Variants in SGCZ observed in about 807,000 individuals in gnomAD.
The protein encoded by SGCZ is zeta-sarcoglycan.
A neutral mutation model predicts 41.3 loss-of-function variants in SGCZ; 40 were observed. The observed-to-expected ratio is 0.97, with a 90% CI of 0.75 to 1.26. The LOEUF (loss-of-function observed/expected upper bound fraction) is 1.26. Ranked by LOEUF, SGCZ falls within the 50% of genes most tolerant of loss-of-function variation. The probability of loss-of-function intolerance (pLI) is 0.00; values close to 1 mark genes in which losing one functional copy is unlikely to be tolerated. For synonymous variants in SGCZ, 206 were observed against 137.5 expected, an observed-to-expected ratio of 1.50 and a Z score of -3.49; for missense variants, 552 against 369.8, an observed-to-expected ratio of 1.49 and a Z score of -4.04.
intron 1 of SGCZ, among the ~76,000 whole-genome samples, chr8:14,724,100 A>C (rs572515712): frequency 2.6e-5 from 4 of 152,286 alleles, no homozygotes; most frequent in African/African-American, 9.6e-5. Context: ...TTATGATGTA[A>C]AACTAGTGTA....
chr8:14,087,757 A>C lies in SGCZ; in HGVS notation c.*2686T>G, dbSNP rs1352574289. ...TTTTTGTGTTTGAATGTGGAAAACG[A>C]GGACATTTGGGGCCATTCTTCTAAG... On this transcript the variant is annotated 3_prime_UTR_variant, in exon 8 of 8. Transcript: ENST00000382080. Among the ~76,000 whole-genome samples, 1 of 151,660 alleles carries C rather than the reference A, an allele frequency of 6.6e-6. No individual in the cohort carries two copies. The highest frequency in any genetic ancestry group is 1.9e-4 in the East Asian group (1 of 5,154).
At chr8:14,476,764 T>C (rs555282050) in intron 2 of SGCZ, among the ~76,000 whole-genome samples, 3 of 152,302 alleles carry the variant, frequency 2.0e-5, no homozygotes, top group African/African-American at 7.2e-5. Flanking sequence ...TTGTGACAAG[T>C]TGGCTGCCAT....
At chr8:14,741,496 G>A (rs1476821576) in intron 1 of SGCZ, among the ~76,000 whole-genome samples, 3 of 151,874 alleles carry the variant, frequency 2.0e-5, no homozygotes, top group Non-Finnish European at 4.4e-5. Flanking sequence ...GTAGTTTTAA[G>A]CATTTTAGCT....
chr8:14,692,065 A>G (rs1367127393), intron 1 of SGCZ, among the ~76,000 whole-genome samples: 2 of 152,010 alleles, frequency 1.3e-5, no homozygotes, highest in East Asian at 3.8e-4. Flanking sequence ...GAATGTCAAC[A>G]ACATATTCTA....
At chr8:14,315,280 T>C (rs530781511) in intron 3 of SGCZ, among the ~76,000 whole-genome samples, 1 of 152,240 alleles carries the variant, frequency 6.6e-6, no homozygotes, top group Non-Finnish European at 1.5e-5. Flanking sequence ...CTTAGCAAAT[T>C]ACGTTATATA....
intron 5 of SGCZ, among the ~76,000 whole-genome samples, chr8:14,147,492 G>T (rs1183149180): frequency 6.6e-6 from 1 of 152,112 alleles, no homozygotes; most frequent in Non-Finnish European, 1.5e-5. Context: ...AATGACAAAG[G>T]TATCGATTCA....
chr8:14,361,800 C>T (rs1803523972), intron 2 of SGCZ, among the ~76,000 whole-genome samples: 1 of 152,328 alleles, frequency 6.6e-6, no homozygotes, highest in Admixed American at 6.5e-5. Flanking sequence ...GCTCTGGTTT[C>T]TCCCCATCTT....
At chr8:14,628,310 A>T (rs1806530855) in intron 1 of SGCZ, among the ~76,000 whole-genome samples, 2 of 151,150 alleles carry the variant, frequency 1.3e-5, no homozygotes. Flanking sequence ...TTAAAATTTT[A>T]ATTTACCTAT....
At chr8:14,519,230 C>T (rs879408323) in intron 2 of SGCZ, among the ~76,000 whole-genome samples, 1 of 152,060 alleles carries the variant, frequency 6.6e-6, no homozygotes, top group African/African-American at 2.4e-5. Flanking sequence ...GCTCTGGAAG[C>T]TGTTTTCTTA....
chr8:14,308,276 G>A lies in SGCZ; in HGVS notation c.336+15827C>T, dbSNP rs376960410. 9.9e-5 allele frequency among the ~76,000 whole-genome samples: 15 copies of A among 152,122 alleles called. No homozygotes were observed. The East Asian group carries it at 2.3e-3, about 24-fold the overall frequency. On this transcript the variant is annotated intron_variant, in intron 3 of 7. Coordinates refer to ENST00000382080, the MANE Select transcript of SGCZ (RefSeq NM_139167.4). ...AACTATAATGAAAGCGCACGGAAAG[G>A]TGAAGTCATGACAATAAGTGATAGG...
chr8:15,041,846 A>G (rs565780696), intron 1 of SGCZ, among the ~76,000 whole-genome samples: 1 of 152,282 alleles, frequency 6.6e-6, no homozygotes, highest in Non-Finnish European at 1.5e-5. Flanking sequence ...TTACTACGCC[A>G]AAAGACAAAA....
At chr8:14,476,326 A>G (rs1801359642) in intron 2 of SGCZ, among the ~76,000 whole-genome samples, 1 of 152,102 alleles carries the variant, frequency 6.6e-6, no homozygotes, top group African/African-American at 2.4e-5. Context: ...CAGCTTACAG[A>G]CAGAACACTG....
At chr8:14,563,483 A>G (rs1804269104) in intron 1 of SGCZ, among the ~76,000 whole-genome samples, 1 of 152,194 alleles carries the variant, frequency 6.6e-6, no homozygotes, top group South Asian at 2.1e-4. Context: ...TGGCTATATT[A>G]AGGGTCTAAA....
chr8:14,384,525 A>G (rs1804497808), intron 2 of SGCZ, among the ~76,000 whole-genome samples: 1 of 152,176 alleles, frequency 6.6e-6, no homozygotes, highest in African/African-American at 2.4e-5. Flanking sequence ...ATAATCCTTT[A>G]GCTATGTCTA....
chr8:14,598,538 T>A (rs963449137), intron 1 of SGCZ, among the ~76,000 whole-genome samples: 5 of 152,098 alleles, frequency 3.3e-5, no homozygotes, highest in African/African-American at 1.2e-4. Flanking sequence ...CATAGCTTTT[T>A]TTTTTCCTAG....
chr8:14,603,420 G>T (rs550980315), intron 1 of SGCZ, among the ~76,000 whole-genome samples: 7 of 151,958 alleles, frequency 4.6e-5, no homozygotes, highest in African/African-American at 9.6e-5. Context: ...TCTATATAAA[G>T]ATTTTCTATG....
intron 1 of SGCZ, among the ~76,000 whole-genome samples, chr8:14,673,933 C>T (rs1472073167): frequency 6.6e-6 from 1 of 151,998 alleles, no homozygotes; most frequent in Non-Finnish European, 1.5e-5. Flanking sequence ...GATAAGAAGA[C>T]GTTCAAAACA....
At chr8:14,887,896 T>C (rs569497301) in intron 1 of SGCZ, among the ~76,000 whole-genome samples, 1 of 152,254 alleles carries the variant, frequency 6.6e-6, no homozygotes, top group African/African-American at 2.4e-5. Flanking sequence ...CTGAGTTGTA[T>C]CCCATTGTGT....
chr8:14,422,972 G>A (rs1197208398), intron 2 of SGCZ, among the ~76,000 whole-genome samples: 1 of 152,076 alleles, frequency 6.6e-6, no homozygotes, highest in Non-Finnish European at 1.5e-5. Flanking sequence ...AGGCTGCAAT[G>A]AGCCATGATC....
Sources: gnomAD v4.1 joint callset for allele counts (sites outside exome capture counted in the v4.1 genomes callset) on GRCh38, gnomAD v4.1.1 for gene constraint, MANE v1.5 for transcripts, NCBI Gene and HGNC (gene_info 2026-07-23, HGNC 2026-07-21) for gene names.